OPCML: variants seen among roughly 807,000 people sequenced by gnomAD.
The protein encoded by OPCML is opioid binding protein/cell adhesion molecule like.
A neutral mutation model predicts 37.8 loss-of-function variants in OPCML; 13 were observed. The observed-to-expected ratio is 0.34, with a 90% CI of 0.22 to 0.55. The LOEUF is 0.55. Among genes scored for constraint, OPCML ranks in the 20% least tolerant of loss-of-function variants. The probability of loss-of-function intolerance (pLI) is 0.91; values close to 1 mark genes in which losing one functional copy is unlikely to be tolerated. For synonymous variants in OPCML, 176 were observed against 168.8 expected (o/e 1.04, Z -0.33); for missense variants, 341 against 435.6 (o/e 0.78, Z 1.93).
chr11:133,272,252 T>TAAA (rs544482291), intron 1 of OPCML, among the ~76,000 whole-genome samples: 4 of 124,458 alleles, frequency 3.2e-5, no homozygotes, highest in South Asian at 2.6e-4. Context: ...ATATTTGGAC[T>TAAA]AAAAAAAAAA....
At chr11:133,278,238 T>C (rs1942046620) in intron 1 of OPCML, among the ~76,000 whole-genome samples, 1 of 152,148 alleles carries the variant, frequency 6.6e-6, no homozygotes, top group Non-Finnish European at 1.5e-5. Flanking sequence ...GATTTCTGTC[T>C]TCAGCTCCCT....
At chr11:132,741,612 A>T (rs565196632) in intron 2 of OPCML, among the ~76,000 whole-genome samples, 1 of 152,212 alleles carries the variant, frequency 6.6e-6, no homozygotes, top group Non-Finnish European at 1.5e-5. Flanking sequence ...TTTAATCCAT[A>T]TAACTTAAGT....
chr11:132,717,859 G>A (rs11823118), intron 2 of OPCML, among the ~76,000 whole-genome samples: 3,528 of 152,260 alleles, frequency 0.023, 114 homozygotes, highest in African/African-American at 0.08. Context: ...AAGTCAATAA[G>A]CTGTGCTGTG....
intron 1 of OPCML, among the ~76,000 whole-genome samples, chr11:133,326,810 C>G: frequency 1.9e-5 from 1 of 54,052 alleles, no homozygotes; most frequent in Admixed American, 2.4e-4. Flanking sequence ...GGTGTGTGTA[C>G]ATTTGTGGGT....
chr11:132,622,042 TA>T (rs1056596442), intron 3 of OPCML, among the ~76,000 whole-genome samples: 25 of 152,048 alleles, frequency 1.6e-4, no homozygotes, highest in African/African-American at 5.8e-4. Context: ...TAATTGATTA[TA>T]AAAGAGAGAA....
chr11:132,445,152 C>T (rs1592185087), intron 4 of OPCML, among the ~76,000 whole-genome samples: 1 of 152,188 alleles, frequency 6.6e-6, no homozygotes, highest in Non-Finnish European at 1.5e-5. Context: ...AGTAAGTTGG[C>T]TAATCACAAG....
chr11:133,027,974 A>G (rs1250416192), intron 1 of OPCML, among the ~76,000 whole-genome samples: 2 of 151,750 alleles, frequency 1.3e-5, no homozygotes, highest in African/African-American at 2.4e-5. Context: ...GGAATTCTAC[A>G]TGTAGTGAAT....
At chr11:132,690,010 G>A (rs566010760) in intron 2 of OPCML, among the ~76,000 whole-genome samples, 2 of 152,288 alleles carry the variant, frequency 1.3e-5, no homozygotes, top group Admixed American at 6.5e-5. Flanking sequence ...AACAAGTTTC[G>A]TGGACCTTCT....
At chr11:133,115,578 C>A (rs1303416841) in intron 1 of OPCML, among the ~76,000 whole-genome samples, 1 of 152,158 alleles carries the variant, frequency 6.6e-6, no homozygotes, top group Non-Finnish European at 1.5e-5. Flanking sequence ...AACCCTAATT[C>A]TTTCGTATCA....
At chr11:132,772,418 T>C (rs1034178399) in intron 2 of OPCML, 2 of 152,246 alleles carry the variant, frequency 1.3e-5, no homozygotes, top group Non-Finnish European at 2.9e-5. Flanking sequence ...AGGACCCTAT[T>C]TGAGAACCTG....
At chr11:133,503,186 T>C (rs1947954116) in intron 1 of OPCML, among the ~76,000 whole-genome samples, 1 of 152,188 alleles carries the variant, frequency 6.6e-6, no homozygotes, top group Non-Finnish European at 1.5e-5. Flanking sequence ...AAGTCACCTT[T>C]AAGTAGCAGA....
chr11:132,928,401 A>C (rs1481322763), intron 2 of OPCML, among the ~76,000 whole-genome samples: 1 of 152,010 alleles, frequency 6.6e-6, no homozygotes. Flanking sequence ...TATAATAATA[A>C]AGAGGCCAAT....
At chr11:133,333,002 C>A (rs1943655318) in intron 1 of OPCML, among the ~76,000 whole-genome samples, 1 of 152,124 alleles carries the variant, frequency 6.6e-6, no homozygotes, top group Non-Finnish European at 1.5e-5. Context: ...AGAAGTAAAG[C>A]AGCATATCCA....
At chr11:132,938,443 G>T (rs545943632) in intron 2 of OPCML, among the ~76,000 whole-genome samples, 2 of 152,260 alleles carry the variant, frequency 1.3e-5, no homozygotes, top group East Asian at 3.9e-4. Flanking sequence ...GGGGATAGAG[G>T]AAGAACGAGA....
intron 2 of OPCML, among the ~76,000 whole-genome samples, chr11:132,878,662 G>A (rs1449930087): frequency 2.0e-5 from 3 of 152,086 alleles, no homozygotes; most frequent in Non-Finnish European, 2.9e-5. Flanking sequence ...TATATGTAGA[G>A]ATACATATAT....
At chr11:133,130,544 A>T (rs1298260250) in intron 1 of OPCML, among the ~76,000 whole-genome samples, 1 of 152,194 alleles carries the variant, frequency 6.6e-6, no homozygotes, top group Admixed American at 6.5e-5. Flanking sequence ...TTTCGTGTTC[A>T]TAGATAGAAA....
chr11:133,526,490 G>A (rs1301068293), intron 1 of OPCML, among the ~76,000 whole-genome samples: 2 of 152,046 alleles, frequency 1.3e-5, no homozygotes, highest in Non-Finnish European at 2.9e-5. Flanking sequence ...AAGAGAGGAG[G>A]GAATGTATGT....
Position 132,444,735 on chromosome 11 carries a change from C to T in OPCML, c.506-7376G>A, listed in dbSNP as rs187236337. ...ATTTTCTGTCCCCAACTCCGTCCCC[C>T]GCCCCAACCTCCAATCCTTGACTCT... is the stretch of plus-strand genomic sequence containing the variant. On this transcript the variant is annotated intron_variant, in intron 4 of 7. Coordinates refer to ENST00000524381, the MANE Select transcript of OPCML (RefSeq NM_001012393.5). 1.4e-4 allele frequency among the ~76,000 whole-genome samples: 21 copies of T among 152,212 alleles called. No homozygotes were observed. The South Asian group carries it at 1.7e-3, about 12-fold the overall frequency.
chr11:132,567,740 G>C (rs557818722), intron 3 of OPCML, among the ~76,000 whole-genome samples: 1 of 152,364 alleles, frequency 6.6e-6, no homozygotes, highest in African/African-American at 2.4e-5. Context: ...TTCAGAGGTA[G>C]ATTCTATCTG....
Sources: allele counts gnomAD v4.1 joint callset (sites outside exome capture counted in the v4.1 genomes callset), GRCh38; gene constraint gnomAD v4.1.1; transcripts MANE v1.5; gene names NCBI Gene and HGNC (gene_info 2026-07-23, HGNC 2026-07-21).